EPYC: variants seen among roughly 807,000 people sequenced by gnomAD.
EPYC encodes epiphycan, also known as dermatan sulfate proteoglycan 3.
Under a neutral mutation model 30.1 loss-of-function variants are expected in EPYC, and 28 were observed. That is an observed-to-expected ratio of 0.93 (90% CI 0.69 to 1.28). The LOEUF is 1.28. Ranked by LOEUF, EPYC falls within the 50% of genes most tolerant of loss-of-function variation. EPYC has a pLI of 0.00. For synonymous variants in EPYC, 144 were observed against 141.4 expected, an observed-to-expected ratio of 1.02 and a Z score of -0.13; for missense variants, 382 against 383.5, an observed-to-expected ratio of 1.00 and a Z score of 0.03.
chr12:90,980,354 A>C (rs1245517262), intron 2 of EPYC, among the ~76,000 whole-genome samples: 1 of 152,200 alleles, frequency 6.6e-6, no homozygotes, highest in African/African-American at 2.4e-5. Flanking sequence ...TGTTTTGTTC[A>C]TGCTTCCTTG....
intron 5 of EPYC, among the ~76,000 whole-genome samples, chr12:90,970,563 G>T (rs549942653): frequency 2.6e-5 from 4 of 152,286 alleles, no homozygotes; most frequent in African/African-American, 9.6e-5. Flanking sequence ...TGGCCTGGTA[G>T]CCCAACTACC....
intron 4 of EPYC, 37 bp downstream of exon 4, chr12:90,972,785 G>A (rs376854703): frequency 5.1e-6 from 8 of 1,568,228 alleles, no homozygotes; most frequent in Non-Finnish European, 6.9e-6. Flanking sequence ...AAGGAAGTGT[G>A]TAAAGCGGTG....
chr12:90,971,774 G>A (rs762992421), intron 5 of EPYC, 26 bp downstream of exon 5: 2 of 1,419,838 alleles, frequency 1.4e-6, no homozygotes, highest in Non-Finnish European at 1.9e-6. Context: ...GAAGATAAAA[G>A]TCTGCATATC....
chr12:90,969,952 A>G, intron 6 of EPYC, 92 bp downstream of exon 6: 2 of 826,690 alleles, frequency 2.4e-6, no homozygotes, highest in Non-Finnish European at 2.1e-6. Flanking sequence ...GTGTGTCAAC[A>G]TGCCATTACA....
intron 2 of EPYC, among the ~76,000 whole-genome samples, chr12:90,981,669 A>C (rs1877328921): frequency 6.6e-6 from 1 of 152,032 alleles, no homozygotes; most frequent in South Asian, 2.1e-4. Context: ...TCAGGGTAAA[A>C]ATATGAAAAA....
At chr12:91,001,639 A>G (rs1877824502) in intron 2 of EPYC, among the ~76,000 whole-genome samples, 2 of 152,120 alleles carry the variant, frequency 1.3e-5, no homozygotes, top group South Asian at 4.1e-4. Flanking sequence ...TTATTTAGGG[A>G]AGCACATTCA....
Position 90,981,861 on chromosome 12 carries a change from T to A in EPYC, c.166-3599A>T, listed in dbSNP as rs1321866687. 2.6e-5 allele frequency among the ~76,000 whole-genome samples: 4 copies of A among 152,144 alleles called. No individual in the cohort carries two copies. The East Asian group carries it at 7.7e-4, about 29-fold the overall frequency. Reference sequence around the variant, plus strand: ...AAACTCTTTTTTTAATATTTTAATTTTAGTTAATCTACAGCTAAGTTTCTA... The same window carrying A: ...AAACTCTTTTTTTAATATTTTAATTATAGTTAATCTACAGCTAAGTTTCTA... On this transcript the variant is annotated intron_variant, in intron 2 of 6. Transcript: ENST00000261172.
intron 2 of EPYC, among the ~76,000 whole-genome samples, chr12:90,983,800 T>C (rs1031627373): frequency 1.2e-4 from 19 of 152,134 alleles, no homozygotes; most frequent in Non-Finnish European, 2.9e-5. Context: ...TTTTTTCCTA[T>C]AAGAATGATT....
At chr12:90,967,942 C>T (rs906372547) in intron 6 of EPYC, among the ~76,000 whole-genome samples, 3 of 151,794 alleles carry the variant, frequency 2.0e-5, no homozygotes, top group African/African-American at 7.3e-5. Flanking sequence ...TGCATTCTAG[C>T]CTGGGTGACA....
intron 3 of EPYC, among the ~76,000 whole-genome samples, chr12:90,977,359 T>C (rs1256167655): frequency 3.3e-5 from 5 of 152,168 alleles, no homozygotes; most frequent in African/African-American, 9.7e-5. Context: ...GAATTCCTTC[T>C]CATTAACTAA....
chr12:90,987,052 GT>G (rs977045625), intron 2 of EPYC, among the ~76,000 whole-genome samples: 2 of 152,072 alleles, frequency 1.3e-5, no homozygotes, highest in African/African-American at 4.8e-5. Flanking sequence ...GTGTATAAGA[GT>G]AAGAAAATAT....
intron 2 of EPYC, among the ~76,000 whole-genome samples, chr12:90,999,764 C>T (rs956834012): frequency 1.3e-5 from 2 of 152,000 alleles, no homozygotes; most frequent in African/African-American, 2.4e-5. Context: ...CTGGATCTAT[C>T]ATCTTTACTT....
rs181086761 is a variant in EPYC, at chr12:90,986,622, T to C, written c.166-8360A>G. ...AAGCTGGGGCCAGCCTGTTGGAAGA[T>C]GAGAGAGCACACGGTGGAGGGGAGG... On this transcript the variant is annotated intron_variant, in intron 2 of 6. Coordinates refer to ENST00000261172, the MANE Select transcript of EPYC (RefSeq NM_004950.5). 3.7e-4 allele frequency among the ~76,000 whole-genome samples: 57 copies of C among 152,150 alleles called. 1 individual carries two copies. Among genetic ancestry groups the C allele is most frequent in the Middle Eastern group, 6.8e-3 (2 of 294 alleles).
chr12:90,969,476 G>T (rs1357344685), intron 6 of EPYC, among the ~76,000 whole-genome samples: 8 of 151,418 alleles, frequency 5.3e-5, no homozygotes, highest in African/African-American at 1.7e-4. Flanking sequence ...AAGATAACAT[G>T]TAGCTTAATG....
chr12:90,970,060 C>T lies in EPYC; in HGVS notation c.782G>A (p.Arg261Gln), dbSNP rs770231424. Residue 261 changes from arginine (R) to glutamine (Q), a missense_variant, in exon 6 of 7, where the codon CGA becomes CAA. Physicochemically the swap from Arg to Gln is conservative, Grantham distance 43. Coordinates refer to ENST00000261172, the MANE Select transcript of EPYC (RefSeq NM_004950.5). ...GACTCCTACCTGGAGGTGAAGGGCT[C>T]GTAGATTTTCTGGGAGTGGCAGAGG... Reference protein sequence around the residue: ...HIPLPLPENLRALHLQNNNIL... With the variant: ...HIPLPLPENLQALHLQNNNIL... 67 of 1,613,542 alleles carry T rather than the reference C, an allele frequency of 4.2e-5. No homozygotes were observed. Among genetic ancestry groups the T allele is most frequent in the South Asian group, 1.6e-4 (15 of 91,090 alleles).
chr12:90,990,805 AC>A (rs1217709331), intron 2 of EPYC, among the ~76,000 whole-genome samples: 1 of 152,166 alleles, frequency 6.6e-6, no homozygotes, highest in African/African-American at 2.4e-5. Flanking sequence ...TGATAAAAAA[AC>A]ACCCTGCCAA....
intron 1 of EPYC, 120 bp downstream of exon 1, chr12:91,004,827 A>G (rs958497583): frequency 6.6e-5 from 10 of 152,120 alleles, no homozygotes; most frequent in African/African-American, 2.4e-4. Context: ...ACAAAAATAA[A>G]CCAAATCCAT....
At position 90,970,138 on chromosome 12, in the gene EPYC, T is replaced by C; in HGVS notation, c.704A>G (p.Asp235Gly). 1 of 1,607,896 alleles carries C rather than the reference T, an allele frequency of 6.2e-7. No homozygotes were observed. Among genetic ancestry groups the C allele is most frequent in the South Asian group, 1.1e-5 (1 of 90,416 alleles). Residue 235 changes from aspartate (D) to glycine (G), a missense_variant and splice_region_variant, in exon 6 of 7, where the codon GAC (aspartate) becomes GGC (glycine). Physicochemically the swap from Asp to Gly is moderately conservative, Grantham distance 94. Transcript: ENST00000261172. ...RKGIKQEAFK[D>G]MYDLHHLYLT... Reference sequence around the variant, plus strand: ...GTACAGATGATGGAGATCATACATGTCCTGTAAACATTCCAAATGTGGGAA... The same window carrying C: ...GTACAGATGATGGAGATCATACATGCCCTGTAAACATTCCAAATGTGGGAA...
At chr12:90,999,161 C>A (rs1877764565) in intron 2 of EPYC, among the ~76,000 whole-genome samples, 1 of 151,792 alleles carries the variant, frequency 6.6e-6, no homozygotes, top group African/African-American at 2.4e-5. Context: ...TAGTATAGCC[C>A]AATTATAGAA....
Sources: gnomAD v4.1 joint callset for allele counts (sites outside exome capture counted in the v4.1 genomes callset) on GRCh38, gnomAD v4.1.1 for gene constraint, MANE v1.5 for transcripts, NCBI Gene and HGNC (gene_info 2026-07-23, HGNC 2026-07-21) for gene names.